The following DCC variants were observed in gnomAD, a reference collection of about 807,000 sequenced individuals.
The protein encoded by DCC is DCC netrin 1 receptor.
A neutral mutation model predicts 172.5 loss-of-function variants in DCC; 58 were observed. That is an observed-to-expected ratio of 0.34 (90% confidence interval 0.27 to 0.42). The LOEUF is 0.42. DCC is among the 10% of genes least tolerant of loss of function. The probability of loss-of-function intolerance (pLI) is 1.00; values close to 1 mark genes in which losing one functional copy is unlikely to be tolerated. For synonymous variants in DCC, 709 were observed against 644.5 expected (o/e 1.10, Z -1.52); for missense variants, 1,740 against 1,791.0 (o/e 0.97, Z 0.51).
At position 53,108,721 on chromosome 18, in the gene DCC, G is replaced by A. The variant is rs1045019572; in HGVS notation, c.1261+42555G>A. On this transcript the variant is annotated intron_variant, in intron 7 of 28. Transcript: ENST00000442544. ...TTTTGTGTCTAGCCTTTTTTTCTGGGCATTCTTTTGGGAGAGTCGTCCATG... is the reference window on the plus strand; with the variant it reads ...TTTTGTGTCTAGCCTTTTTTTCTGGACATTCTTTTGGGAGAGTCGTCCATG... Among the ~76,000 whole-genome samples, 6 of 151,404 alleles carry A rather than the reference G, an allele frequency of 4.0e-5. No individual in the cohort carries two copies. The South Asian group carries it at 6.2e-4, about 16-fold the overall frequency.
At chr18:52,631,691 A>G (rs1197748610) in intron 1 of DCC, among the ~76,000 whole-genome samples, 1 of 152,184 alleles carries the variant, frequency 6.6e-6, no homozygotes, top group African/African-American at 2.4e-5. Flanking sequence ...GGTCTGGAAA[A>G]GAGGTAGGGT....
chr18:52,759,624 CTT>C (rs1003234174), intron 2 of DCC, among the ~76,000 whole-genome samples: 1 of 152,076 alleles, frequency 6.6e-6, no homozygotes, highest in African/African-American at 2.4e-5. Flanking sequence ...ACCAAAAACT[CTT>C]TTGAATTTTA....
At chr18:52,369,089 G>T (rs774842393) in intron 1 of DCC, among the ~76,000 whole-genome samples, 1 of 152,096 alleles carries the variant, frequency 6.6e-6, no homozygotes, top group Non-Finnish European at 1.5e-5. Flanking sequence ...TTCTTTGTAC[G>T]AAAAACCGGG....
intron 1 of DCC, among the ~76,000 whole-genome samples, chr18:52,665,736 A>G (rs182066034): frequency 1.3e-5 from 2 of 152,356 alleles, no homozygotes; most frequent in East Asian, 3.9e-4. Flanking sequence ...AAGGAAGTCA[A>G]TGCCTAATTT....
intron 5 of DCC, among the ~76,000 whole-genome samples, chr18:52,981,588 C>G (rs886417525): frequency 3.9e-5 from 6 of 151,906 alleles, no homozygotes; most frequent in African/African-American, 1.4e-4. Flanking sequence ...AGATATGTCT[C>G]TATAGGTGTT....
At chr18:53,047,319 TATATAATTTTATATATATA>T (rs2042261145) in intron 5 of DCC, among the ~76,000 whole-genome samples, 1 of 81,988 alleles carries the variant, frequency 1.2e-5, no homozygotes, top group African/African-American at 5.1e-5. Flanking sequence ...ATTTTATATA[TATATAATTTTATATATATA>T]ATAATATGAA....
chr18:52,901,923 C>A (rs2145439627), intron 2 of DCC, among the ~76,000 whole-genome samples: 1 of 152,222 alleles, frequency 6.6e-6, no homozygotes, highest in Middle Eastern at 3.4e-3. Flanking sequence ...TTTATAGTAT[C>A]TGCAAATTGT....
At chr18:52,590,893 T>C (rs1034998310) in intron 1 of DCC, among the ~76,000 whole-genome samples, 2 of 152,250 alleles carry the variant, frequency 1.3e-5, no homozygotes, top group Non-Finnish European at 2.9e-5. Context: ...AAAAGACCAT[T>C]AAGCTATTAG....
At chr18:53,287,354 T>A (rs891563788) in intron 12 of DCC, among the ~76,000 whole-genome samples, 6 of 152,208 alleles carry the variant, frequency 3.9e-5, no homozygotes, top group African/African-American at 1.4e-4. Flanking sequence ...ATTGTATGGA[T>A]ATACTACATT....
At chr18:52,521,289 T>A (rs1366316601) in intron 1 of DCC, among the ~76,000 whole-genome samples, 1 of 152,204 alleles carries the variant, frequency 6.6e-6, no homozygotes, top group East Asian at 1.9e-4. Context: ...TAGATTCATT[T>A]GAGGTTCACA....
At chr18:53,450,764 C>T in intron 23 of DCC, 102 bp downstream of exon 23, 1 of 991,038 alleles carries the variant, frequency 1.0e-6, no homozygotes, top group Non-Finnish European at 1.6e-6. Flanking sequence ...ACCCCATGTC[C>T]TTACTTCCTA....
chr18:52,655,657 AAT>A (rs2035229915), intron 1 of DCC, among the ~76,000 whole-genome samples: 1 of 152,164 alleles, frequency 6.6e-6, no homozygotes, highest in Non-Finnish European at 1.5e-5. Flanking sequence ...TTAAATAAGT[AAT>A]GATATTTTAA....
rs1354970657 is a variant in DCC at position 53,157,421 on chromosome 18, C to T, written c.1327C>T (p.Arg443Ter). The change falls in exon 8 of 29, where the codon CGA becomes TGA. Residue 443 changes from arginine to a stop codon, truncating the protein, a stop_gained. Transcript: ENST00000442544. LOFTEE classifies it high-confidence loss of function. ...TGTGGTCCCTGTCTTGGTTTCCAGC[C>T]GATTTGTCCGTCTCAGCTGGCGCCC... ...RDVVPVLVSS[R>*]FVRLSWRPPA... 6.2e-7 allele frequency: 1 copy of T among 1,614,086 alleles called. No individual in the cohort carries two copies. The highest frequency in any genetic ancestry group is 8.5e-7 in the Non-Finnish European group (1 of 1,180,002).
chr18:52,735,463 C>T (rs1233199435), intron 1 of DCC, among the ~76,000 whole-genome samples: 1 of 152,126 alleles, frequency 6.6e-6, no homozygotes, highest in Admixed American at 6.6e-5. Flanking sequence ...AATTGACTCA[C>T]ATGACCACGA....
intron 7 of DCC, among the ~76,000 whole-genome samples, chr18:53,071,770 A>G (rs967916174): frequency 6.6e-6 from 1 of 152,196 alleles, no homozygotes; most frequent in Non-Finnish European, 1.5e-5. Context: ...TCTCCTTTCT[A>G]AATAAGACAT....
At position 52,907,379 on chromosome 18, in the gene DCC, G is replaced by A. The variant is rs62099016; in HGVS notation, c.697+1051G>A. 2.1e-3 allele frequency among the ~76,000 whole-genome samples: 308 copies of A among 144,454 alleles called. 1 individual carries two copies. The highest frequency in any genetic ancestry group is 8.0e-3 in the African/African-American group (293 of 36,780). The allele number at this position is 144,454 out of a possible 152,430, so 94.8% of individuals were successfully genotyped here. ...TATATGAATGATATATATCATATATGCATGATATATGTCATGTATATATAC... is the reference window on the plus strand; with the variant it reads ...TATATGAATGATATATATCATATATACATGATATATGTCATGTATATATAC... On this transcript the variant is annotated intron_variant, in intron 3 of 28. Transcript: ENST00000442544.
intron 1 of DCC, among the ~76,000 whole-genome samples, chr18:52,683,138 C>CT (rs2035775927): frequency 1.3e-5 from 2 of 152,112 alleles, no homozygotes; most frequent in South Asian, 4.1e-4. Context: ...AAATTCTGAA[C>CT]TAGGAGTAAT....
At chr18:52,504,559 T>G (rs964391606) in intron 1 of DCC, among the ~76,000 whole-genome samples, 1 of 152,200 alleles carries the variant, frequency 6.6e-6, no homozygotes, top group Non-Finnish European at 1.5e-5. Flanking sequence ...AGAGTCATAT[T>G]GGCTTGGTTG....
At chr18:53,019,497 C>A (rs1464480262) in intron 5 of DCC, among the ~76,000 whole-genome samples, 1 of 152,076 alleles carries the variant, frequency 6.6e-6, no homozygotes, top group Admixed American at 6.6e-5. Flanking sequence ...TTTTTATTCC[C>A]AGGATTTACA....
Sources: allele counts gnomAD v4.1 joint callset (sites outside exome capture counted in the v4.1 genomes callset), GRCh38; gene constraint gnomAD v4.1.1; transcripts MANE v1.5; gene names NCBI Gene and HGNC (gene_info 2026-07-23, HGNC 2026-07-21).